CUBN: variants seen among roughly 807,000 people sequenced by gnomAD.
The protein encoded by CUBN is cubilin.
A neutral mutation model predicts 405.3 loss-of-function variants in CUBN; 282 were observed. The ratio of observed to expected loss-of-function variants is 0.70; its 90% CI spans 0.63 to 0.77. The LOEUF (loss-of-function observed/expected upper bound fraction) is 0.77, where lower values mean the gene tolerates loss of function less well. Among genes scored for constraint, CUBN ranks in the 30% least tolerant of loss-of-function variants. The pLI, the probability that CUBN is intolerant of heterozygous loss-of-function variation, is 0.00. For missense variants in CUBN, 4,514 were observed against 4,475.2 expected (o/e 1.01, Z -0.25); for synonymous variants, 1,684 against 1,617.0 (o/e 1.04, Z -0.99).
In CUBN at chr10:17,100,088, T is replaced by A. The variant is rs780750324; in HGVS notation, c.1682A>T (p.Asp561Val). The change falls in exon 14 of 67, where the codon GAC becomes GTC. Residue 561 changes from aspartate to valine, a missense_variant. Coordinates refer to ENST00000377833, the MANE Select transcript of CUBN (RefSeq NM_001081.4). ...ATAGAGATGAAAATAGAGAGCATTGTCACTGCTGAGGAGTTCATGAGGGAG... is the reference window on the plus strand; with the variant it reads ...ATAGAGATGAAAATAGAGAGCATTGACACTGCTGAGGAGTTCATGAGGGAG... ...SSLPHELLSS[D>V]NALYFHLYSE... 1.2e-6 allele frequency: 2 copies of A among 1,613,880 alleles called. No individual in the cohort carries two copies. The highest frequency in any genetic ancestry group is 1.7e-6 in the Non-Finnish European group (2 of 1,179,934).
chr10:16,969,966 T>TA (rs142646790), intron 31 of CUBN, among the ~76,000 whole-genome samples: 4,405 of 152,272 alleles, frequency 0.029, 217 homozygotes, highest in African/African-American at 0.099. Context: ...CTCCTTTTCT[T>TA]ACCCACAAAT....
At chr10:16,994,944 A>G (rs1175876001) in intron 28 of CUBN, among the ~76,000 whole-genome samples, 1 of 152,176 alleles carries the variant, frequency 6.6e-6, no homozygotes, top group Non-Finnish European at 1.5e-5. Flanking sequence ...TGCAAAAATT[A>G]GCTGGGCGTG....
chr10:17,117,835 C>T (rs1284348878), intron 6 of CUBN, among the ~76,000 whole-genome samples: 3 of 152,138 alleles, frequency 2.0e-5, no homozygotes, highest in Non-Finnish European at 4.4e-5. Context: ...AAATTTTGGT[C>T]CTTCCTGTTA....
intron 31 of CUBN, among the ~76,000 whole-genome samples, chr10:16,966,569 C>T (rs1011075891): frequency 1.3e-5 from 2 of 152,108 alleles, no homozygotes; most frequent in Non-Finnish European, 2.9e-5. Flanking sequence ...ATGTCTCAGC[C>T]TCCAAAGTAG....
At chr10:17,073,025 C>T (rs1384625503) in intron 17 of CUBN, among the ~76,000 whole-genome samples, 1 of 152,112 alleles carries the variant, frequency 6.6e-6, no homozygotes, top group East Asian at 1.9e-4. Context: ...TTCTTTAAAA[C>T]TTTTAAGGAA....
At chr10:17,107,472 T>A (rs987093332) in intron 10 of CUBN, among the ~76,000 whole-genome samples, 1 of 151,010 alleles carries the variant, frequency 6.6e-6, no homozygotes, top group Non-Finnish European at 1.5e-5. Context: ...TACAGTAGAA[T>A]TGAATGACAA....
intron 39 of CUBN, among the ~76,000 whole-genome samples, chr10:16,936,383 T>C (rs756298119): frequency 1.3e-5 from 2 of 152,202 alleles, no homozygotes; most frequent in Non-Finnish European, 2.9e-5. Context: ...ATATTTTAAG[T>C]AAGAGATTTG....
chr10:17,103,317 A>T lies in CUBN; in HGVS notation c.1418-80T>A, dbSNP rs918481598. Reference sequence around the variant, plus strand: ...GGGCAACTGTAACCCTGCTGCTGATAAACTTAGAGAAAATTTGAGTAATGA... The same window carrying T: ...GGGCAACTGTAACCCTGCTGCTGATTAACTTAGAGAAAATTTGAGTAATGA... On this transcript the variant is annotated intron_variant, in intron 12 of 66. Coordinates refer to ENST00000377833, the MANE Select transcript of CUBN (RefSeq NM_001081.4). 9.5e-6 allele frequency: 8 copies of T among 844,722 alleles called. No homozygotes were observed. The Admixed American group carries it at 1.1e-4, about 11-fold the overall frequency. The allele number at this position is 844,722 out of a possible 1,614,324, so 52.3% of individuals were successfully genotyped here.
In CUBN at chr10:16,937,888, A is replaced by C; in HGVS notation, c.5734-104T>G. On this transcript the variant is annotated intron_variant, in intron 38 of 66. Coordinates refer to ENST00000377833, the MANE Select transcript of CUBN (RefSeq NM_001081.4). ...TATATTATTACAATGTTATCATAACAAAAAAATGACAAATGAGTAAACATT... is the reference window on the plus strand; with the variant it reads ...TATATTATTACAATGTTATCATAACCAAAAAATGACAAATGAGTAAACATT... 1.9e-6 allele frequency: 2 copies of C among 1,045,184 alleles called. 1 individual carries two copies. Among genetic ancestry groups the C allele is most frequent in the South Asian group, 3.0e-5 (2 of 66,194 alleles). 64.7% of individuals were successfully genotyped at this position (1,045,184 alleles called of 1,614,324 possible). A position where few individuals can be genotyped will look rare whatever the true frequency, so the allele number is the denominator to read the frequency against.
chr10:16,829,797 C>T (rs1259825666), intron 65 of CUBN, among the ~76,000 whole-genome samples: 6 of 151,852 alleles, frequency 4.0e-5, no homozygotes, highest in Non-Finnish European at 7.4e-5. Context: ...TTGGGCAACT[C>T]ATTAATCTTG....
intron 56 of CUBN, among the ~76,000 whole-genome samples, chr10:16,878,280 T>G (rs927234030): frequency 1.3e-4 from 19 of 151,878 alleles, no homozygotes; most frequent in African/African-American, 4.6e-4. Flanking sequence ...AGCACAAGAC[T>G]CCATCTCAAA....
chr10:16,935,881 AAAAAAAAAAAAAAAAG>A (rs1842487858), intron 39 of CUBN, among the ~76,000 whole-genome samples: 1 of 148,750 alleles, frequency 6.7e-6, no homozygotes, highest in South Asian at 2.1e-4. Context: ...CTCCATCTCA[AAAAAAAAAAAAAAAAG>A]AAAAAAAAAA....
At chr10:16,840,571 T>A in intron 61 of CUBN, 36 bp from the exon 62 acceptor site, 1 of 1,476,396 alleles carries the variant, frequency 6.8e-7, no homozygotes, top group Non-Finnish European at 9.3e-7. Flanking sequence ...AGGAGACATT[T>A]TATTCATGTC....
chr10:16,878,026 G>T (rs570380815), intron 56 of CUBN, among the ~76,000 whole-genome samples: 22 of 152,310 alleles, frequency 1.4e-4, no homozygotes, highest in Admixed American at 1.2e-3. Flanking sequence ...GGTGGCTCAC[G>T]CCTATAATCC....
chr10:17,110,932 C>T lies in CUBN; in HGVS notation c.1002G>A (p.Gln334=). ...CVNTPGSSHC[Q]ACPPGYQGDG... is the part of the protein sequence containing the mutation. ...CCGAGGCAGCACCTGGTGGACAGGC[C>T]TGGCAGTGGGAAGACCCAGGTGTAT... Residue 334 remains glutamine (Q), a synonymous_variant, in exon 9 of 67, where the codon CAG becomes CAA. Transcript: ENST00000377833. 6.2e-7 allele frequency: 1 copy of T among 1,614,180 alleles called. No homozygotes were observed. The highest frequency in any genetic ancestry group is 8.5e-7 in the Non-Finnish European group (1 of 1,180,032).
intron 36 of CUBN, among the ~76,000 whole-genome samples, chr10:16,947,002 A>T (rs1842804522): frequency 6.6e-6 from 1 of 152,214 alleles, no homozygotes; most frequent in Admixed American, 6.5e-5. Context: ...AGATTCATTC[A>T]TTCACCAAGG....
chr10:17,113,478 C>A (rs1211082306), intron 8 of CUBN, among the ~76,000 whole-genome samples: 1 of 152,024 alleles, frequency 6.6e-6, no homozygotes, highest in African/African-American at 2.4e-5. Context: ...ACAAAAGATG[C>A]CCTCGGATTC....
intron 8 of CUBN, among the ~76,000 whole-genome samples, chr10:17,111,703 C>A (rs1472627269): frequency 6.6e-6 from 1 of 152,160 alleles, no homozygotes; most frequent in Non-Finnish European, 1.5e-5. Flanking sequence ...GTGGGCAGAT[C>A]ACCTGAGGCC....
At chr10:16,862,616 A>G (rs922608508) in intron 59 of CUBN, among the ~76,000 whole-genome samples, 8 of 152,146 alleles carry the variant, frequency 5.3e-5, no homozygotes, top group African/African-American at 1.9e-4. Context: ...ATATTTCCTA[A>G]CAGTTTATTT....
Sources: gnomAD v4.1 joint callset for allele counts (sites outside exome capture counted in the v4.1 genomes callset) on GRCh38, gnomAD v4.1.1 for gene constraint, MANE v1.5 for transcripts, NCBI Gene and HGNC (gene_info 2026-07-23, HGNC 2026-07-21) for gene names.